CLCA1: variants seen among roughly 807,000 people sequenced by gnomAD.
CLCA1 encodes chloride channel accessory 1.
CLCA1 carries 59 observed loss-of-function variants against 85.6 expected under a neutral mutation model. The observed-to-expected ratio is 0.69, with a 90% CI of 0.56 to 0.86. The LOEUF is 0.86. Among genes scored for constraint, CLCA1 ranks in the 40% least tolerant of loss-of-function variants. The pLI is 0.00. For synonymous variants in CLCA1, 396 were observed against 398.3 expected (o/e 0.99, Z 0.07); for missense variants, 1,022 against 1,101.4 (o/e 0.93, Z 1.02).
At position 86,498,200 on chromosome 1, in the gene CLCA1, A is replaced by AAGGAAGGAAGGG. The variant is rs1553188780; in HGVS notation, c.2114-363_2114-362insGGGAGGAAGGAA. On this transcript the variant is annotated intron_variant, in intron 12 of 13. Transcript: ENST00000394711. Reference sequence around the variant, plus strand: ...GAAGGAAGGAAGGATGGAAGGAAGGAAGGAAGGAAAAAACAGATGTAGTAT... The same window carrying AAGGAAGGAAGGG: ...GAAGGAAGGAAGGATGGAAGGAAGGAAGGAAGGAAGGGAGGAAGGAAAAAACAGATGTAGTAT... Among the ~76,000 whole-genome samples, 1,352 of 150,756 alleles carry AAGGAAGGAAGGG rather than the reference A, an allele frequency of 9.0e-3. 28 individuals are homozygous for AAGGAAGGAAGGG. The highest frequency in any genetic ancestry group is 0.032 in the African/African-American group (1,300 of 40,500).
At position 86,498,577 on chromosome 1, in the gene CLCA1, A is replaced by G; in HGVS notation, c.2119A>G (p.Ile707Val). 1 of 1,613,216 alleles carries G rather than the reference A, an allele frequency of 6.2e-7. No individual in the cohort carries two copies. The highest frequency in any genetic ancestry group is 8.5e-7 in the Non-Finnish European group (1 of 1,179,264). The change falls in exon 13 of 14, where the codon ATA (isoleucine) becomes GTA (valine). Residue 707 changes from isoleucine to valine, a missense_variant. Physicochemically the swap from Ile to Val is conservative, Grantham distance 29. Transcript: ENST00000394711. ...TGAGTATTTTTTTAATGCAGATGAA[A>G]TACAATGGAATCCACCAAGACCTGA... ...YIPGWIENDE[I>V]QWNPPRPEIN...
At chr1:86,481,630 C>T (rs1647825414) in intron 4 of CLCA1, among the ~76,000 whole-genome samples, 1 of 151,866 alleles carries the variant, frequency 6.6e-6, no homozygotes, top group Admixed American at 6.6e-5. Flanking sequence ...TGCTTTTTGC[C>T]ATTTTCCAAA....
chr1:86,485,528 G>T lies in CLCA1; in HGVS notation c.921G>T (p.Val307=). Residue 307 remains valine, a synonymous_variant, in exon 6 of 14, where the codon GTG becomes GTT. Coordinates refer to ENST00000394711, the MANE Select transcript of CLCA1 (RefSeq NM_001285.4). ...FSLLQIGQRI[V]CLVLDKSGSM... ...TGCTGCAGATTGGACAAAGAATTGT[G>T]TGTTTAGTCCTTGACAAATCTGGAA... 1 of 1,614,166 alleles carries T rather than the reference G, an allele frequency of 6.2e-7. No individual in the cohort carries two copies. The highest frequency in any genetic ancestry group is 1.7e-5 in the Admixed American group (1 of 60,026).
intron 4 of CLCA1, among the ~76,000 whole-genome samples, chr1:86,481,472 A>C (rs1647820666): frequency 6.6e-6 from 1 of 152,128 alleles, no homozygotes; most frequent in Non-Finnish European, 1.5e-5. Flanking sequence ...TAATATTAAA[A>C]AATTAAATAT....
intron 9 of CLCA1, 51 bp from the exon 10 acceptor site, chr1:86,493,333 A>G: frequency 7.0e-7 from 1 of 1,420,354 alleles, no homozygotes; most frequent in Non-Finnish European, 9.9e-7. Flanking sequence ...GGAAAAGATC[A>G]TGTGATGGGA....
In CLCA1 at chr1:86,498,732, C is replaced by A. The variant is rs774506682; in HGVS notation, c.2274C>A (p.Asp758Glu). 2.5e-6 allele frequency: 4 copies of A among 1,614,032 alleles called. No individual in the cohort carries two copies. Among genetic ancestry groups the A allele is most frequent in the East Asian group, 2.2e-5 (1 of 44,868 alleles). The stretch of plus-strand genomic sequence containing the variant: ...TCTTCCCACCTGGCCAAATCACCGA[C>A]CTGAAGGCGGAAATTCACGGGGGCA... Reference protein sequence around the residue: ...PDLFPPGQITDLKAEIHGGSL... With the variant: ...PDLFPPGQITELKAEIHGGSL... The change falls in exon 13 of 14, where the codon GAC becomes GAA. Residue 758 changes from aspartate to glutamate, a missense_variant. Physicochemically the swap from Asp to Glu is conservative, Grantham distance 45 (BLOSUM62 2). Transcript: ENST00000394711.
intron 1 of CLCA1, among the ~76,000 whole-genome samples, chr1:86,471,776 C>G (rs948605087): frequency 6.6e-6 from 1 of 151,928 alleles, no homozygotes; most frequent in African/African-American, 2.4e-5. Context: ...TAGAGGCAAC[C>G]ATTATTATCA....
chr1:86,486,045 C>T (rs557886752), intron 6 of CLCA1, among the ~76,000 whole-genome samples: 145 of 85,342 alleles, frequency 1.7e-3, no homozygotes, highest in Non-Finnish European at 2.8e-3. Flanking sequence ...AGAGAGAGTG[C>T]GCAATGTGGG....
Position 86,498,564 on chromosome 1 carries a change from T to A in CLCA1, c.2114-8T>A. The A allele has an allele frequency of 1.2e-5, 20 of 1,609,856 alleles. No individual in the cohort carries two copies. The highest frequency in any genetic ancestry group is 1.7e-5 in the Non-Finnish European group (20 of 1,176,430). ...GCTTACCATATTTTGAGTATTTTTTTAATGCAGATGAAATACAATGGAATC... is the reference window on the plus strand; with the variant it reads ...GCTTACCATATTTTGAGTATTTTTTAAATGCAGATGAAATACAATGGAATC... On this transcript the variant is annotated splice_region_variant and splice_polypyrimidine_tract_variant and intron_variant, in intron 12 of 13. Transcript: ENST00000394711.
chr1:86,485,945 C>T (rs935892226), intron 6 of CLCA1, among the ~76,000 whole-genome samples: 6 of 151,984 alleles, frequency 3.9e-5, no homozygotes, highest in African/African-American at 1.2e-4. Context: ...CACAGTTCCA[C>T]ACGGCTGGGG....
At chr1:86,482,056 A>G (rs914590228) in intron 4 of CLCA1, 149 bp from the exon 5 acceptor site, 18 of 614,044 alleles carry the variant, frequency 2.9e-5, no homozygotes, top group South Asian at 2.4e-4. Context: ...TCTGATGACA[A>G]TTTAACACTT....
intron 10 of CLCA1, 133 bp downstream of exon 10, chr1:86,493,732 A>G (rs1306397065): frequency 3.0e-6 from 2 of 673,842 alleles, no homozygotes; most frequent in South Asian, 4.0e-5. Flanking sequence ...GAGAACGAGG[A>G]AAAAAAATCT....
intron 3 of CLCA1, among the ~76,000 whole-genome samples, chr1:86,475,700 G>T (rs1012589272): frequency 2.6e-5 from 4 of 152,142 alleles, no homozygotes; most frequent in African/African-American, 7.2e-5. Context: ...AGTATTCCAA[G>T]CTAAGGAAAC....
intron 12 of CLCA1, among the ~76,000 whole-genome samples, chr1:86,497,909 G>C (rs1349784884): frequency 2.0e-5 from 3 of 152,170 alleles, no homozygotes; most frequent in African/African-American, 7.2e-5. Flanking sequence ...TTGGGAGGCT[G>C]AGGCAGGTGG....
chr1:86,477,462 A>G (rs1647702910), intron 4 of CLCA1, among the ~76,000 whole-genome samples: 1 of 152,198 alleles, frequency 6.6e-6, no homozygotes, highest in Non-Finnish European at 1.5e-5. Context: ...TTTATGGGCT[A>G]ATTCTTGCAG....
At position 86,485,535 on chromosome 1, in the gene CLCA1, G is replaced by C; in HGVS notation, c.928G>C (p.Val310Leu). The change falls in exon 6 of 14, where the codon GTC becomes CTC. Residue 310 changes from valine to leucine, a missense_variant. By Grantham distance (32) the Val-to-Leu change is conservative. Coordinates refer to ENST00000394711, the MANE Select transcript of CLCA1 (RefSeq NM_001285.4). The part of the protein sequence containing the change: ...LQIGQRIVCL[V>L]LDKSGSMATG... ...GATTGGACAAAGAATTGTGTGTTTA[G>C]TCCTTGACAAATCTGGAAGCATGGC... 1 of 1,614,166 alleles carries C rather than the reference G, an allele frequency of 6.2e-7. No homozygotes were observed. The highest frequency in any genetic ancestry group is 8.5e-7 in the Non-Finnish European group (1 of 1,180,024).
intron 13 of CLCA1, among the ~76,000 whole-genome samples, chr1:86,499,438 C>G (rs1273087452): frequency 1.3e-5 from 2 of 152,206 alleles, no homozygotes; most frequent in Non-Finnish European, 2.9e-5. Flanking sequence ...CAGTTTTACG[C>G]TTATCACTGT....
At chr1:86,487,214 C>T (rs150712984) in intron 7 of CLCA1, among the ~76,000 whole-genome samples, 17 of 152,308 alleles carry the variant, frequency 1.1e-4, no homozygotes, top group African/African-American at 4.1e-4. Context: ...TCTCCAGATG[C>T]CTGCGTGCAT....
At chr1:86,470,512 C>T (rs991736610) in intron 1 of CLCA1, among the ~76,000 whole-genome samples, 4 of 152,226 alleles carry the variant, frequency 2.6e-5, no homozygotes, top group East Asian at 3.9e-4. Flanking sequence ...CTTCAGTGAC[C>T]GTGGTAATTT....
Sources: allele counts gnomAD v4.1 joint callset (sites outside exome capture counted in the v4.1 genomes callset), GRCh38; gene constraint gnomAD v4.1.1; transcripts MANE v1.5; gene names NCBI Gene and HGNC (gene_info 2026-07-23, HGNC 2026-07-21).